Variants in GPRASP3 observed in about 807,000 individuals in gnomAD.
GPRASP3 encodes G protein-coupled receptor associated sorting protein 3.
chrX:102,750,595 A>G, the GPRASP3 span: 25 of 1,177,712 alleles, frequency 2.1e-5, no homozygotes, highest in Non-Finnish European at 2.5e-5. Context: ...TAATACACTC[A>G]TGGCCATTTT....
the GPRASP3 span, chrX:102,752,938 T>A: frequency 1.7e-5 from 2 of 118,677 alleles, no homozygotes; most frequent in African/African-American, 6.7e-5. Context: ...TCCGACTAAT[T>A]TTTTTTTTTA....
chrX:102,723,974 G>C, the GPRASP3 span, among the ~76,000 whole-genome samples: 3 of 111,951 alleles, frequency 2.7e-5, no homozygotes, highest in Non-Finnish European at 5.6e-5. Flanking sequence ...GAGAGGGTAT[G>C]GAAGCTTTGT....
the GPRASP3 span, among the ~76,000 whole-genome samples, chrX:102,738,769 A>T: frequency 8.9e-6 from 1 of 111,804 alleles, no homozygotes; most frequent in Non-Finnish European, 1.9e-5. Flanking sequence ...TGAACCCTGA[A>T]AATTTGAGAT....
chrX:102,724,715 A>G, the GPRASP3 span, among the ~76,000 whole-genome samples: 3 of 93,183 alleles, frequency 3.2e-5, no homozygotes, highest in African/African-American at 4.3e-5. Flanking sequence ...GAGCAGGGTG[A>G]CTGGTGTGTG....
chrX:102,740,907 GA>G, the GPRASP3 span, among the ~76,000 whole-genome samples: 6 of 111,388 alleles, frequency 5.4e-5, no homozygotes, highest in African/African-American at 1.6e-4. Context: ...GAAAAGAAAA[GA>G]AAAAACTGCA....
At chrX:102,734,814 A>G in the GPRASP3 span, among the ~76,000 whole-genome samples, 1 of 111,587 alleles carries the variant, frequency 9.0e-6, no homozygotes, top group Non-Finnish European at 1.9e-5. Flanking sequence ...TGGAACACAT[A>G]TTAATAACAT....
the GPRASP3 span, chrX:102,750,626 T>C: frequency 1.7e-6 from 2 of 1,166,560 alleles, no homozygotes; most frequent in Non-Finnish European, 2.3e-6. Context: ...AAAGAGATTA[T>C]TGAAACAATG....
At chrX:102,734,490 G>A in the GPRASP3 span, among the ~76,000 whole-genome samples, 1 of 111,669 alleles carries the variant, frequency 9.0e-6, no homozygotes, top group Admixed American at 9.5e-5. Context: ...GGTGGCAGAC[G>A]CCTGTAGTCC....
At chrX:102,750,264 A>G in the GPRASP3 span, 1 of 1,203,318 alleles carries the variant, frequency 8.3e-7, no homozygotes, top group Non-Finnish European at 1.1e-6. Flanking sequence ...CGGGACAGCA[A>G]TCTGGATTAA....
the GPRASP3 span, among the ~76,000 whole-genome samples, chrX:102,737,629 G>A: frequency 7.2e-5 from 8 of 111,414 alleles, no homozygotes; most frequent in Admixed American, 7.6e-4. Flanking sequence ...CAGCCCTAGC[G>A]ACCCTGCTTG....
the GPRASP3 span, among the ~76,000 whole-genome samples, chrX:102,742,384 A>T: frequency 8.9e-6 from 1 of 111,789 alleles, no homozygotes; most frequent in East Asian, 2.8e-4. Flanking sequence ...GGCCTAACAA[A>T]TTAGCTACAA....
the GPRASP3 span, among the ~76,000 whole-genome samples, chrX:102,744,107 C>T: frequency 9.0e-6 from 1 of 111,363 alleles, no homozygotes; most frequent in Non-Finnish European, 1.9e-5. Context: ...AAGTAAATGT[C>T]TCCCAAAGTT....
chrX:102,743,605 G>A, the GPRASP3 span, among the ~76,000 whole-genome samples: 1 of 110,914 alleles, frequency 9.0e-6, no homozygotes, highest in Non-Finnish European at 1.9e-5. Flanking sequence ...GAGGTTAATT[G>A]ATGTGGTGCT....
chrX:102,746,846 A>T, the GPRASP3 span, among the ~76,000 whole-genome samples: 2 of 112,719 alleles, frequency 1.8e-5, no homozygotes, highest in Admixed American at 1.9e-4. Context: ...CCCCACATCC[A>T]GTTTTGTGCA....
chrX:102,745,818 C>T, the GPRASP3 span, among the ~76,000 whole-genome samples: 3 of 111,144 alleles, frequency 2.7e-5, no homozygotes, highest in African/African-American at 9.8e-5. Flanking sequence ...GTGGTCGCCA[C>T]GTTAGGGTCC....
the GPRASP3 span, chrX:102,745,949 T>C: frequency 6.3e-5 from 7 of 111,305 alleles, no homozygotes; most frequent in African/African-American, 2.0e-4. Context: ...TCGAGCACTT[T>C]CGCGCCGTAT....
At chrX:102,733,743 A>G in the GPRASP3 span, among the ~76,000 whole-genome samples, 2 of 109,392 alleles carry the variant, frequency 1.8e-5, no homozygotes, top group Non-Finnish European at 3.8e-5. Context: ...TCAGCTCTCC[A>G]TGAAAGTCCT....
the GPRASP3 span, chrX:102,752,078 A>G: frequency 8.2e-6 from 1 of 122,241 alleles, no homozygotes; most frequent in African/African-American, 3.3e-5. Context: ...TAACACTACA[A>G]AATAGACTTA....
At chrX:102,730,303 G>A in the GPRASP3 span, among the ~76,000 whole-genome samples, 411 of 111,626 alleles carry the variant, frequency 3.7e-3, 1 homozygote, top group African/African-American at 0.012. Context: ...GAGCTCAGGC[G>A]GCAATGAAAG....
Sources: allele counts gnomAD v4.1 joint callset (sites outside exome capture counted in the v4.1 genomes callset), GRCh38; gene constraint gnomAD v4.1.1; transcripts MANE v1.5; gene names NCBI Gene and HGNC (gene_info 2026-07-23, HGNC 2026-07-21).